The following THAP7 variants were observed in gnomAD, a reference collection of about 807,000 sequenced individuals.
THAP7 encodes THAP domain-containing protein 7.
In THAP7, 22 loss-of-function variants were observed where a neutral mutation model predicts 29.2. The ratio of observed to expected loss-of-function variants is 0.75; its 90% CI spans 0.54 to 1.08. THAP7 has a LOEUF of 1.08. THAP7 is among the 50% of genes least tolerant of loss of function. THAP7 has a pLI of 0.00. For missense variants in THAP7, 448 were observed against 416.2 expected, an observed-to-expected ratio of 1.08 and a Z score of -0.66; for synonymous variants, 208 against 173.4, an observed-to-expected ratio of 1.20 and a Z score of -1.57.
Position 21,001,743 on chromosome 22 carries a change from G to T in THAP7, c.80+89C>A, listed in dbSNP as rs1020941824. The T allele has an allele frequency of 4.4e-6, 6 of 1,371,856 alleles. No homozygotes were observed. In the African/African-American group the frequency reaches 7.3e-5, roughly 17 times the overall value. 85.0% of individuals were successfully genotyped at this position (1,371,856 alleles called of 1,614,324 possible). On this transcript the variant is annotated intron_variant, in intron 1 of 3. Transcript: ENST00000215742. ...AGGTTCAAGCCTCCTCAGTATCTGA[G>T]AAAGGCGCGAAGCCTCTACGCAGTT...
chr22:21,001,769 G>C, intron 1 of THAP7, 63 bp downstream of exon 1: 1 of 1,495,300 alleles, frequency 6.7e-7, no homozygotes. Flanking sequence ...CTACGCAGTT[G>C]CGACCCGAGG....
rs770638722 is a variant in THAP7, at chr22:21,000,724, G to C, written c.300C>G (p.Arg100=). 3 of 1,614,188 alleles carry C rather than the reference G, an allele frequency of 1.9e-6. No homozygotes were observed. Among genetic ancestry groups the C allele is most frequent in the Non-Finnish European group, 2.5e-6 (3 of 1,180,030 alleles). ...PTIFESFSKL[R]RTTKTKGHSY... is the part of the protein sequence containing the mutation. ...TGTGTCCTTTGGTCTTGGTTGTCCG[G>C]CGCAACTTGGAGAAAGACTCAAATA... is the stretch of plus-strand genomic sequence containing the variant. The change falls in exon 3 of 4, where the codon CGC becomes CGG. Residue 100 remains arginine (R), a synonymous_variant. Transcript: ENST00000215742.
At chr22:21,001,649 A>T (rs1925172026) in intron 1 of THAP7, 183 bp downstream of exon 1, 1 of 882,902 alleles carries the variant, frequency 1.1e-6, no homozygotes, top group Non-Finnish European at 1.7e-6. Flanking sequence ...AGCCGGCTAG[A>T]CTTCCCGTCC....
Position 20,999,802 on chromosome 22 carries a change from C to A in THAP7, c.*78G>T. ...TCTAGAATCCGCTTTATTATGGCAC[C>A]TGGTGGGTCTGGTGGGATCTGAGGG... On this transcript the variant is annotated 3_prime_UTR_variant, in exon 4 of 4. Coordinates refer to ENST00000215742, the MANE Select transcript of THAP7 (RefSeq NM_030573.3). 1 of 1,489,016 alleles carries A rather than the reference C, an allele frequency of 6.7e-7. No individual in the cohort carries two copies. Among genetic ancestry groups the A allele is most frequent in the African/African-American group, 1.4e-5 (1 of 71,662 alleles). The allele number at this position is 1,489,016 out of a possible 1,614,324, so 92.2% of individuals were successfully genotyped here.
At chr22:21,000,905 G>T in intron 2 of THAP7, 118 bp from the exon 3 acceptor site, 1 of 1,486,682 alleles carries the variant, frequency 6.7e-7, no homozygotes, top group South Asian at 1.3e-5. Context: ...ATACGTCTGG[G>T]GAACGCCAAG....
chr22:21,001,844 A>G lies in THAP7; in HGVS notation c.68T>C (p.Ile23Thr). 1.3e-6 allele frequency: 2 copies of G among 1,558,314 alleles called. No homozygotes were observed. The highest frequency in any genetic ancestry group is 1.7e-6 in the Non-Finnish European group (2 of 1,153,396). ...CACGCGCGCTGACCTGTGGAAGGAG[A>G]TGCCGCGGTTGCGCGTCTCGCGCGT... Reference protein sequence around the residue: ...RDTRETRNRGISFHRLPKKDN... With the variant: ...RDTRETRNRGTSFHRLPKKDN... The change falls in exon 1 of 4, where the codon ATC becomes ACC. Residue 23 changes from isoleucine to threonine, a missense_variant. Physicochemically the swap from Ile to Thr is moderately conservative, Grantham distance 89. Transcript: ENST00000215742.
intron 3 of THAP7, 45 bp downstream of exon 3, chr22:21,000,602 C>T: frequency 6.2e-7 from 1 of 1,612,132 alleles, no homozygotes. Flanking sequence ...CCCAGTCCCT[C>T]AGCCTAGGGG....
Position 21,001,306 on chromosome 22 carries a change from G to A in THAP7, c.186C>T (p.Tyr62=). Reference sequence around the variant, plus strand: ...CCTCCTCAAAGTGTTTGGAGCAGAAGTAGATGTACTCGGATGCCGGGTCCC... The same window carrying A: ...CCTCCTCAAAGTGTTTGGAGCAGAAATAGATGTACTCGGATGCCGGGTCCC... ...GLWDPASEYI[Y]FCSKHFEEDC... is the part of the protein sequence containing the mutation. The change falls in exon 2 of 4, where the codon TAC becomes TAT. Residue 62 remains tyrosine (Y), a synonymous_variant. Coordinates refer to ENST00000215742, the MANE Select transcript of THAP7 (RefSeq NM_030573.3). 6.2e-7 allele frequency: 1 copy of A among 1,614,180 alleles called. No homozygotes were observed. Among genetic ancestry groups the A allele is most frequent in the Non-Finnish European group, 8.5e-7 (1 of 1,180,022 alleles).
Position 21,001,414 on chromosome 22 carries a change from G to A in THAP7, c.81-3C>T, listed in dbSNP as rs1925158794. On this transcript the variant is annotated splice_polypyrimidine_tract_variant and splice_region_variant and intron_variant, in intron 1 of 3. Transcript: ENST00000215742. Reference sequence around the variant, plus strand: ...TCGGGTTGTCCTTCTTGGGAAGTCTGTGGAGCCACAAACCCGTGAGCACCA... The same window carrying A: ...TCGGGTTGTCCTTCTTGGGAAGTCTATGGAGCCACAAACCCGTGAGCACCA... 2 of 1,613,288 alleles carry A rather than the reference G, an allele frequency of 1.2e-6. No homozygotes were observed. The highest frequency in any genetic ancestry group is 1.7e-6 in the Non-Finnish European group (2 of 1,179,912).
Position 21,001,324 on chromosome 22 carries a change from C to T in THAP7, c.168G>A (p.Pro56=), listed in dbSNP as rs766617652. 6 of 1,614,074 alleles carry T rather than the reference C, an allele frequency of 3.7e-6. No homozygotes were observed. Among genetic ancestry groups the T allele is most frequent in the Middle Eastern group, 1.7e-4 (1 of 6,040 alleles). The change falls in exon 2 of 4, where the codon CCG becomes CCA. Residue 56 remains proline, a synonymous_variant. Coordinates refer to ENST00000215742, the MANE Select transcript of THAP7 (RefSeq NM_030573.3). ...LDPSGQGLWD[P]ASEYIYFCSK... is the part of the protein sequence containing the mutation. ...AGCAGAAGTAGATGTACTCGGATGC[C>T]GGGTCCCACAGGCCCTGGCCGCTGG...
chr22:21,002,058 T>C lies in THAP7; in HGVS notation c.-147A>G. 2 of 689,640 alleles carry C rather than the reference T, an allele frequency of 2.9e-6. No homozygotes were observed. Among genetic ancestry groups the C allele is most frequent in the South Asian group, 4.2e-5 (2 of 48,068 alleles). 42.7% of individuals were successfully genotyped at this position (689,640 alleles called of 1,614,324 possible). ...TCGCCCCAACCCCGTCCCAGCCGATTCTCTTGACTTCTGTCAGCGGCACTC... is the reference window on the plus strand; with the variant it reads ...TCGCCCCAACCCCGTCCCAGCCGATCCTCTTGACTTCTGTCAGCGGCACTC... On this transcript the variant is annotated 5_prime_UTR_variant, in exon 1 of 4. Coordinates refer to ENST00000215742, the MANE Select transcript of THAP7 (RefSeq NM_030573.3).
rs1925023685 is a variant in THAP7, at chr22:20,999,483, G to GTT, written c.*395_*396dup. ...GAAGTGTTCTCAAAGGGGCTGGCTG[G>GTT]TTTAAGTCAGGGCTGTTTCAGATCC... On this transcript the variant is annotated 3_prime_UTR_variant, in exon 4 of 4. Transcript: ENST00000215742. 5.0e-6 allele frequency: 1 copy of GTT among 200,080 alleles called. No individual in the cohort carries two copies. Among genetic ancestry groups the GTT allele is most frequent in the Admixed American group, 5.3e-5 (1 of 18,978 alleles). The allele number at this position is 200,080 out of a possible 1,614,324, so 12.4% of individuals were successfully genotyped here. A position where few individuals can be genotyped will look rare whatever the true frequency, so the allele number is the denominator to read the frequency against.
intron 1 of THAP7, 31 bp from the exon 2 acceptor site, chr22:21,001,442 C>G (rs1206627624): frequency 1.2e-6 from 2 of 1,609,224 alleles, no homozygotes; most frequent in African/African-American, 1.3e-5. Context: ...GAGCACCAGG[C>G]TGTCCACAGC....
At position 21,000,693 on chromosome 22, in the gene THAP7, G is replaced by C; in HGVS notation, c.331C>G (p.Pro111Ala). The C allele has an allele frequency of 6.2e-7, 1 of 1,614,178 alleles. No individual in the cohort carries two copies. The highest frequency in any genetic ancestry group is 8.5e-7 in the Non-Finnish European group (1 of 1,180,020). Residue 111 changes from proline (P) to alanine (A), a missense_variant, in exon 3 of 4, where the codon CCA (proline) becomes GCA (alanine). Pro to Ala is a conservative substitution (Grantham distance 27). Transcript: ENST00000215742. ...RTTKTKGHSYPPGPAEVSRLR... is the reference protein window; with the variant it reads ...RTTKTKGHSYAPGPAEVSRLR... ...CGGCTGACTTCAGCGGGGCCAGGTG[G>C]GTAACTGTGTCCTTTGGTCTTGGTT...
rs909680016 is a variant in THAP7, at chr22:21,001,812, C to A, written c.80+20G>T. Reference sequence around the variant, plus strand: ...CAACTAGCGCATGCGCACGTGAGCCCGCGGCGCACGCGCGCTGACCTGTGG... The same window carrying A: ...CAACTAGCGCATGCGCACGTGAGCCAGCGGCGCACGCGCGCTGACCTGTGG... On this transcript the variant is annotated intron_variant, in intron 1 of 3. Transcript: ENST00000215742. 1 of 1,543,696 alleles carries A rather than the reference C, an allele frequency of 6.5e-7. No homozygotes were observed. The highest frequency in any genetic ancestry group is 1.4e-5 in the African/African-American group (1 of 72,868).
chr22:21,000,117 G>A lies in THAP7; in HGVS notation c.693C>T (p.Ser231=). ...AGAGTAAGGCGCTGCCCACCTGGTA[G>A]CTGTGTTCATTCTGGATGTAGGCTC... The part of the protein sequence containing the change: ...PAGAYIQNEH[S]YQVGSALLWK... The change falls in exon 4 of 4, where the codon AGC becomes AGT. Residue 231 remains serine (S), a synonymous_variant. Transcript: ENST00000215742. The A allele has an allele frequency of 6.2e-7, 1 of 1,611,154 alleles. No homozygotes were observed.
rs992049090 is a variant in THAP7, at chr22:20,999,851, G to T, written c.*29C>A. ...GGAGGAAGAGGCTGCAGTCTTGCTG[G>T]GCAGCCCCTCGGTCAGTCCAGCAGC... is the stretch of plus-strand genomic sequence containing the variant. On this transcript the variant is annotated 3_prime_UTR_variant, in exon 4 of 4. Transcript: ENST00000215742. 3 of 1,575,346 alleles carry T rather than the reference G, an allele frequency of 1.9e-6. No homozygotes were observed. Among genetic ancestry groups the T allele is most frequent in the Non-Finnish European group, 2.6e-6 (3 of 1,164,308 alleles).
At position 21,002,037 on chromosome 22, in the gene THAP7, C is replaced by G. The variant is rs1348365402; in HGVS notation, c.-126G>C. ...CGGGTCCCCCCCGGCCCGTTGTCGC[C>G]CCAACCCCGTCCCAGCCGATTCTCT... is the stretch of plus-strand genomic sequence containing the variant. On this transcript the variant is annotated 5_prime_UTR_variant, in exon 1 of 4. Transcript: ENST00000215742. The G allele has an allele frequency of 2.3e-6, 2 of 861,472 alleles. No individual in the cohort carries two copies. Among genetic ancestry groups the G allele is most frequent in the Non-Finnish European group, 3.4e-6 (2 of 587,586 alleles). The allele number at this position is 861,472 out of a possible 1,614,324, so 53.4% of individuals were successfully genotyped here.
chr22:21,000,441 G>GTTTA lies in THAP7; in HGVS notation c.378-10_378-9insTAAA, dbSNP rs1451854242. 1.3e-6 allele frequency: 2 copies of GTTTA among 1,547,052 alleles called. No homozygotes were observed. Among genetic ancestry groups the GTTTA allele is most frequent in the Non-Finnish European group, 1.7e-6 (2 of 1,148,232 alleles). On this transcript the variant is annotated splice_polypyrimidine_tract_variant and intron_variant, in intron 3 of 3. Coordinates refer to ENST00000215742, the MANE Select transcript of THAP7 (RefSeq NM_030573.3). ...CTCGGCCCTCGGAGCAGCTGGTAAG[G>GTTTA]GGGAAGAGAGAGACTGATGGGCTAG...
Sources: gnomAD v4.1 joint callset for allele counts on GRCh38, gnomAD v4.1.1 for gene constraint, MANE v1.5 for transcripts, NCBI Gene and HGNC (gene_info 2026-07-23, HGNC 2026-07-21) for gene names.